GULP1: variants seen among roughly 807,000 people sequenced by gnomAD.
GULP1 encodes the protein GULP PTB domain containing engulfment adaptor 1, also known as PTB domain-containing engulfment adapter protein 1.
GULP1 carries 19 observed loss-of-function variants against 40.9 expected under a neutral mutation model. That is an observed-to-expected ratio of 0.46 (90% CI 0.32 to 0.68). GULP1 has a LOEUF of 0.68. Among genes scored for constraint, GULP1 ranks in the 30% least tolerant of loss-of-function variants. The pLI is 0.03. For missense variants in GULP1, 312 were observed against 362.2 expected, an observed-to-expected ratio of 0.86 and a Z score of 1.12; for synonymous variants, 119 against 117.6, an observed-to-expected ratio of 1.01 and a Z score of -0.08.
intron 4 of GULP1, among the ~76,000 whole-genome samples, chr2:188,517,654 A>T (rs1205311158): frequency 6.6e-6 from 1 of 152,116 alleles, no homozygotes; most frequent in Non-Finnish European, 1.5e-5. Flanking sequence ...CTGCTGACTG[A>T]TCAGGTGACC....
chr2:188,328,831 A>G (rs766477031), intron 1 of GULP1, among the ~76,000 whole-genome samples: 3 of 152,146 alleles, frequency 2.0e-5, no homozygotes, highest in Non-Finnish European at 4.4e-5. Context: ...TTTATTCATG[A>G]TGAATATGAG....
chr2:188,392,787 C>T (rs560782409), intron 2 of GULP1, among the ~76,000 whole-genome samples: 1 of 152,002 alleles, frequency 6.6e-6, no homozygotes, highest in South Asian at 2.1e-4. Flanking sequence ...ACTTATGTCG[C>T]TATTATGCTT....
intron 2 of GULP1, among the ~76,000 whole-genome samples, chr2:188,469,297 G>A (rs989018664): frequency 6.6e-6 from 1 of 152,148 alleles, no homozygotes; most frequent in African/African-American, 2.4e-5. Context: ...AAGTTATATG[G>A]GGAAGGGTTC....
At chr2:188,304,399 A>G (rs2036684721) in intron 1 of GULP1, among the ~76,000 whole-genome samples, 1 of 152,250 alleles carries the variant, frequency 6.6e-6, no homozygotes. Flanking sequence ...GATACAAAGA[A>G]TAGTATTTAG....
At chr2:188,469,989 A>G (rs1360324785) in intron 2 of GULP1, among the ~76,000 whole-genome samples, 1 of 152,156 alleles carries the variant, frequency 6.6e-6, no homozygotes, top group Non-Finnish European at 1.5e-5. Flanking sequence ...TTGCATCAGT[A>G]TTCATTAGTG....
Position 188,440,977 on chromosome 2 carries a change from GGC to G in GULP1, c.-44-36681_-44-36680del, listed in dbSNP as rs758285607. On this transcript the variant is annotated intron_variant, in intron 2 of 11. Coordinates refer to ENST00000409830, the MANE Select transcript of GULP1 (RefSeq NM_016315.4). ...CTAGGAATTGTAGGAGGAGAAGAGG[GGC>G]AAAGGAGATGTAAGAAGTGGTCCCT... Among the ~76,000 whole-genome samples, 496 of 152,188 alleles carry G rather than the reference GGC, an allele frequency of 3.3e-3. 1 individual carries two copies. Among genetic ancestry groups the G allele is most frequent in the Non-Finnish European group, 4.3e-3 (291 of 68,012 alleles).
chr2:188,446,133 G>A (rs1040945971), intron 2 of GULP1, among the ~76,000 whole-genome samples: 27 of 152,028 alleles, frequency 1.8e-4, no homozygotes, highest in African/African-American at 6.3e-4. Context: ...TTTTTGCTTG[G>A]GAGCATCTAG....
At chr2:188,541,383 T>G (rs764209398) in intron 7 of GULP1, 65 bp downstream of exon 7, 1 of 1,306,572 alleles carries the variant, frequency 7.7e-7, no homozygotes, top group Admixed American at 1.7e-5. Flanking sequence ...GTCTTGCTTC[T>G]GGCATTGGCA....
intron 2 of GULP1, among the ~76,000 whole-genome samples, chr2:188,460,888 A>G (rs2059648585): frequency 6.6e-6 from 1 of 152,146 alleles, no homozygotes; most frequent in Admixed American, 6.5e-5. Flanking sequence ...ATCAATTGCA[A>G]TGATTGTATG....
At chr2:188,475,986 G>A (rs887744217) in intron 2 of GULP1, among the ~76,000 whole-genome samples, 2 of 152,118 alleles carry the variant, frequency 1.3e-5, no homozygotes, top group Non-Finnish European at 2.9e-5. Context: ...GACTGCAGTA[G>A]AACTAGTTTG....
At chr2:188,391,198 G>A (rs2050473584) in intron 2 of GULP1, among the ~76,000 whole-genome samples, 1 of 151,984 alleles carries the variant, frequency 6.6e-6, no homozygotes, top group Non-Finnish European at 1.5e-5. Flanking sequence ...GCCTTGGACA[G>A]TATGGTCATT....
At chr2:188,369,062 G>A (rs550361143) in intron 1 of GULP1, among the ~76,000 whole-genome samples, 162 of 148,654 alleles carry the variant, frequency 1.1e-3, no homozygotes, top group African/African-American at 3.9e-3. Context: ...CTAGATTCAA[G>A]CAATTCTCCT....
intron 10 of GULP1, among the ~76,000 whole-genome samples, chr2:188,585,802 A>G (rs1383019851): frequency 6.6e-6 from 1 of 152,148 alleles, no homozygotes; most frequent in Non-Finnish European, 1.5e-5. Context: ...CATCTTCCCC[A>G]TTGTCTTGGC....
At chr2:188,492,939 C>T (rs2062544981) in intron 4 of GULP1, among the ~76,000 whole-genome samples, 1 of 152,068 alleles carries the variant, frequency 6.6e-6, no homozygotes, top group Non-Finnish European at 1.5e-5. Context: ...AAATTTCTGC[C>T]TGGTAGCATA....
intron 2 of GULP1, among the ~76,000 whole-genome samples, chr2:188,410,491 A>G (rs960680968): frequency 6.6e-6 from 1 of 152,218 alleles, no homozygotes; most frequent in Non-Finnish European, 1.5e-5. Context: ...CAAAAAACTC[A>G]ATGGCAAAGA....
rs892511623 is a variant in GULP1, at chr2:188,438,188, C to A, written c.-44-39471C>A. Among the ~76,000 whole-genome samples the A allele has an allele frequency of 5.9e-5, 9 of 152,130 alleles. No individual in the cohort carries two copies. In the South Asian group the frequency reaches 1.9e-3, roughly 32 times the overall value. ...ACCAAGACTAAGGTTAATATAAAATCTTATCCAGGACAAACAGAATTAAAA... is the reference window on the plus strand; with the variant it reads ...ACCAAGACTAAGGTTAATATAAAATATTATCCAGGACAAACAGAATTAAAA... On this transcript the variant is annotated intron_variant, in intron 2 of 11. Coordinates refer to ENST00000409830, the MANE Select transcript of GULP1 (RefSeq NM_016315.4).
At chr2:188,346,592 A>G (rs1235094972) in intron 1 of GULP1, among the ~76,000 whole-genome samples, 2 of 151,454 alleles carry the variant, frequency 1.3e-5, no homozygotes, top group Non-Finnish European at 2.9e-5. Context: ...TCCTGGGTTC[A>G]CGCCATTCTC....
chr2:188,539,953 C>A (rs1690011025), intron 6 of GULP1, among the ~76,000 whole-genome samples: 1 of 152,034 alleles, frequency 6.6e-6, no homozygotes, highest in South Asian at 2.1e-4. Context: ...GCAAGCACCC[C>A]AGGTATTTGT....
At chr2:188,539,310 T>C (rs1343550511) in intron 6 of GULP1, among the ~76,000 whole-genome samples, 1 of 152,126 alleles carries the variant, frequency 6.6e-6, no homozygotes, top group Non-Finnish European at 1.5e-5. Context: ...TTACAATTAA[T>C]AAGCTGTTAT....
Sources: gnomAD v4.1 joint callset for allele counts (sites outside exome capture counted in the v4.1 genomes callset) on GRCh38, gnomAD v4.1.1 for gene constraint, MANE v1.5 for transcripts, NCBI Gene and HGNC (gene_info 2026-07-23, HGNC 2026-07-21) for gene names.